The following GALNT18 variants were observed in gnomAD, a reference collection of about 807,000 sequenced individuals.
GALNT18 encodes GalNAc-transferase 18.
GALNT18 carries 44 observed loss-of-function variants against 69.5 expected under a neutral mutation model. That is an observed-to-expected ratio of 0.63 (90% CI 0.50 to 0.81). The LOEUF is 0.81. Ranked by LOEUF, GALNT18 falls within the 40% of genes least tolerant of loss-of-function variation. GALNT18 has a pLI of 0.00. For missense variants in GALNT18, 715 were observed against 810.0 expected, an observed-to-expected ratio of 0.88 and a Z score of 1.42; for synonymous variants, 364 against 318.2, an observed-to-expected ratio of 1.14 and a Z score of -1.53.
In GALNT18 at chr11:11,598,191, A is replaced by C. The variant is rs544947283; in HGVS notation, c.235+23168T>G. Among the ~76,000 whole-genome samples, 2 of 152,146 alleles carry C rather than the reference A, an allele frequency of 1.3e-5. No individual in the cohort carries two copies. Among genetic ancestry groups the C allele is most frequent in the African/African-American group, 4.8e-5 (2 of 41,532 alleles). ...AATCTATAACAAATTACTATAATCTATAATAAATTACTATAATCTATAATA... is the reference window on the plus strand; with the variant it reads ...AATCTATAACAAATTACTATAATCTCTAATAAATTACTATAATCTATAATA... On this transcript the variant is annotated intron_variant, in intron 1 of 10. Coordinates refer to ENST00000227756, the MANE Select transcript of GALNT18 (RefSeq NM_198516.3). This position sits in a 1 kb window ranked among gnomAD's most constrained non-coding sequence, Gnocchi z 4.8.
At chr11:11,607,036 G>A (rs1221537879) in intron 1 of GALNT18, among the ~76,000 whole-genome samples, 1 of 152,192 alleles carries the variant, frequency 6.6e-6, no homozygotes, top group African/African-American at 2.4e-5. Flanking sequence ...CTTCTTTGTT[G>A]ATATGTGAGG....
chr11:11,533,508 G>A (rs954096202), intron 1 of GALNT18, among the ~76,000 whole-genome samples: 1 of 152,130 alleles, frequency 6.6e-6, no homozygotes, highest in Admixed American at 6.5e-5. Context: ...GGCGACGTTC[G>A]CTCAGAGACA....
At chr11:11,556,197 T>C (rs1858329492) in intron 1 of GALNT18, among the ~76,000 whole-genome samples, 1 of 152,134 alleles carries the variant, frequency 6.6e-6, no homozygotes. Flanking sequence ...GGGATAAACA[T>C]AAGGAGCGAA....
intron 3 of GALNT18, among the ~76,000 whole-genome samples, chr11:11,386,804 A>C (rs1241945910): frequency 6.6e-6 from 1 of 152,178 alleles, no homozygotes; most frequent in Non-Finnish European, 1.5e-5. Context: ...AAGTCCAACT[A>C]GGCTGTCCCC....
chr11:11,537,365 GA>G (rs10718472), intron 1 of GALNT18, among the ~76,000 whole-genome samples: 79,068 of 151,976 alleles, frequency 0.52, 22,375 homozygotes, highest in East Asian at 0.81. Context: ...ACAAGTCAGG[GA>G]AAAAAAAATC....
intron 3 of GALNT18, among the ~76,000 whole-genome samples, chr11:11,418,534 CAG>C (rs1193969582): frequency 2.0e-5 from 3 of 152,222 alleles, no homozygotes; most frequent in African/African-American, 7.2e-5. Flanking sequence ...GAAGCCCTCC[CAG>C]AGTGACTGAG....
chr11:11,457,069 C>A (rs1249718805), intron 1 of GALNT18, among the ~76,000 whole-genome samples: 1 of 152,204 alleles, frequency 6.6e-6, no homozygotes, highest in Non-Finnish European at 1.5e-5. Context: ...GGAGGCCCTG[C>A]CAAGGCTTTT....
In GALNT18 at chr11:11,293,024, G is replaced by A; in HGVS notation, c.1677+5C>T. The A allele has an allele frequency of 2.2e-6, 3 of 1,368,542 alleles. No individual in the cohort carries two copies. The highest frequency in any genetic ancestry group is 4.2e-5 in the South Asian group (2 of 47,552). 84.8% of individuals were successfully genotyped at this position (1,368,542 alleles called of 1,614,324 possible). On this transcript the variant is annotated splice_donor_5th_base_variant and intron_variant, in intron 10 of 10. Transcript: ENST00000227756. Reference sequence around the variant, plus strand: ...GCCACTGTGCCCGGGCTCTGGGGCTGTTACCTGAGAGAACTGCCAGTGAAG... The same window carrying A: ...GCCACTGTGCCCGGGCTCTGGGGCTATTACCTGAGAGAACTGCCAGTGAAG...
In GALNT18 at chr11:11,490,633, T is replaced by C. The variant is rs372820425; in HGVS notation, c.236-41697A>G. 6.6e-5 allele frequency among the ~76,000 whole-genome samples: 10 copies of C among 152,284 alleles called. No homozygotes were observed. In the East Asian group the frequency reaches 1.4e-3, roughly 21 times the overall value. ...AGGGACAGGTACTATTGTTTTCAAA[T>C]GGCCAATGGTGTGACCAGAGTTACA... On this transcript the variant is annotated intron_variant, in intron 1 of 10. Transcript: ENST00000227756.
intron 1 of GALNT18, chr11:11,475,904 C>T (rs1856384258): frequency 6.6e-6 from 1 of 152,154 alleles, no homozygotes; most frequent in African/African-American, 2.4e-5. Flanking sequence ...CTCCAGTCTA[C>T]ACAGGATGAA....
chr11:11,510,775 T>C (rs924548397), intron 1 of GALNT18, among the ~76,000 whole-genome samples: 1 of 152,204 alleles, frequency 6.6e-6, no homozygotes, highest in Non-Finnish European at 1.5e-5. Flanking sequence ...GGGATCTCTG[T>C]GACTCCAGGG....
rs149254013 is a variant in GALNT18 at position 11,432,380 on chromosome 11, G to T, written c.595+241C>A. ...TATCTTATCTATTGCACTGGAATAT[G>T]GGAGGGGAGAGTAGCCAGCCAGGAG... On this transcript the variant is annotated intron_variant, in intron 3 of 10. Coordinates refer to ENST00000227756, the MANE Select transcript of GALNT18 (RefSeq NM_198516.3). This position sits in a 1 kb window ranked among gnomAD's most constrained non-coding sequence, Gnocchi z 5.8. 5.4e-4 allele frequency among the ~76,000 whole-genome samples: 83 copies of T among 152,340 alleles called. No individual in the cohort carries two copies. Among genetic ancestry groups the T allele is most frequent in the African/African-American group, 1.9e-3 (78 of 41,576 alleles).
At chr11:11,302,433 G>C (rs1445090455) in intron 9 of GALNT18, among the ~76,000 whole-genome samples, 1 of 152,166 alleles carries the variant, frequency 6.6e-6, no homozygotes, top group Non-Finnish European at 1.5e-5. Flanking sequence ...AGATTCTTCT[G>C]CCACTGCTCC....
intron 1 of GALNT18, among the ~76,000 whole-genome samples, chr11:11,536,201 A>C (rs7128238): frequency 0.014 from 2,181 of 152,306 alleles, 50 homozygotes; most frequent in African/African-American, 0.048. Flanking sequence ...TAATAATAAA[A>C]TATTTCATTT....
intron 1 of GALNT18, among the ~76,000 whole-genome samples, chr11:11,493,061 G>C (rs1437478402): frequency 6.6e-6 from 1 of 152,000 alleles, no homozygotes; most frequent in Non-Finnish European, 1.5e-5. Flanking sequence ...AGGAGTTCAA[G>C]ATCAACCTGG....
At chr11:11,537,601 T>A (rs1250781611) in intron 1 of GALNT18, among the ~76,000 whole-genome samples, 13 of 152,136 alleles carry the variant, frequency 8.5e-5, no homozygotes, top group Admixed American at 2.0e-4. Context: ...ATGGAGAAAG[T>A]CATCCCTAAG....
rs1346026510 is a variant in GALNT18, at chr11:11,470,341, G to A, written c.236-21405C>T. On this transcript the variant is annotated intron_variant, in intron 1 of 10. Coordinates refer to ENST00000227756, the MANE Select transcript of GALNT18 (RefSeq NM_198516.3). The surrounding 1 kb of genome is among the most constrained non-coding windows in gnomAD (Gnocchi z 4.8). ...GTCCTGTGCAGGCATGGAGGAAATT[G>A]TACGGTCATGCCCTACATTCATATC... 6.6e-6 allele frequency among the ~76,000 whole-genome samples: 1 copy of A among 152,192 alleles called. No individual in the cohort carries two copies. Among genetic ancestry groups the A allele is most frequent in the African/African-American group, 2.4e-5 (1 of 41,438 alleles).
At position 11,562,825 on chromosome 11, in the gene GALNT18, G is replaced by A. The variant is rs1294311372; in HGVS notation, c.235+58534C>T. 4.6e-5 allele frequency among the ~76,000 whole-genome samples: 7 copies of A among 152,118 alleles called. No homozygotes were observed. Among genetic ancestry groups the A allele is most frequent in the African/African-American group, 9.7e-5 (4 of 41,414 alleles). On this transcript the variant is annotated intron_variant, in intron 1 of 10. Transcript: ENST00000227756. This position sits in a 1 kb window ranked among gnomAD's most constrained non-coding sequence, Gnocchi z 4.1. ...AGAGAGGCTATTTAACCCAGGTCAC[G>A]TGGAGGAAAGTGGCAAAAAAGACTT...
At chr11:11,394,970 G>T (rs942706221) in intron 3 of GALNT18, among the ~76,000 whole-genome samples, 4 of 152,240 alleles carry the variant, frequency 2.6e-5, no homozygotes, top group Admixed American at 2.0e-4. Context: ...CTGACATGCT[G>T]TTAGGGACCC....
Sources: gnomAD v4.1 joint callset for allele counts (sites outside exome capture counted in the v4.1 genomes callset) on GRCh38, gnomAD v4.1.1 for gene constraint, Gnocchi (gnomAD v3.1) non-coding constraint, MANE v1.5 for transcripts, NCBI Gene and HGNC (gene_info 2026-07-23, HGNC 2026-07-21) for gene names.